Variants in RANBP2 observed in about 807,000 individuals in gnomAD.
RANBP2 encodes RAN binding protein 2, also known as E3 SUMO-protein ligase RanBP2.
In RANBP2, 57 loss-of-function variants were observed where a neutral mutation model predicts 303.6. That is an observed-to-expected ratio of 0.19 (90% CI 0.15 to 0.23). The LOEUF (loss-of-function observed/expected upper bound fraction) is 0.23, where lower values mean the gene tolerates loss of function less well. RANBP2 is among the 10% of genes least tolerant of loss of function. RANBP2 has a pLI of 1.00. For missense variants in RANBP2, 3,138 were observed against 3,780.8 expected, an observed-to-expected ratio of 0.83 and a Z score of 4.46; for synonymous variants, 1,167 against 1,301.5, an observed-to-expected ratio of 0.90 and a Z score of 2.23.
chr2:109,626,280 G>C, the RANBP2 span, among the ~76,000 whole-genome samples: 3 of 152,072 alleles, frequency 2.0e-5, no homozygotes, highest in East Asian at 5.8e-4. Context: ...TGGAGTTTGA[G>C]ACCAGCCTGA....
At chr2:109,136,726 T>G in the RANBP2 span, among the ~76,000 whole-genome samples, 1 of 152,356 alleles carries the variant, frequency 6.6e-6, no homozygotes, top group East Asian at 1.9e-4. Context: ...GCATTTCCAC[T>G]TAATGTAATG....
intron 6 of RANBP2, among the ~76,000 whole-genome samples, chr2:108,739,659 A>T (rs1488964683): frequency 6.6e-6 from 1 of 152,114 alleles, no homozygotes; most frequent in East Asian, 1.9e-4. Context: ...TGGAGAAACA[A>T]TAGGATTTAG....
chr2:108,907,842 C>A, the RANBP2 span: 1 of 1,613,256 alleles, frequency 6.2e-7, no homozygotes, highest in Admixed American at 1.7e-5. Context: ...CTCATCATGG[C>A]ACCTGCAGGA....
chr2:109,098,580 T>G, the RANBP2 span, among the ~76,000 whole-genome samples: 1 of 152,234 alleles, frequency 6.6e-6, no homozygotes, highest in Non-Finnish European at 1.5e-5. Context: ...GTTTCTGCTT[T>G]CTTCAACCCT....
chr2:109,454,115 TAAG>T, the RANBP2 span, among the ~76,000 whole-genome samples: 2 of 152,188 alleles, frequency 1.3e-5, no homozygotes, highest in Admixed American at 6.5e-5. Flanking sequence ...CATGGTGAGA[TAAG>T]AGAGAGAAGA....
chr2:109,222,426 G>A, the RANBP2 span, among the ~76,000 whole-genome samples: 88 of 152,298 alleles, frequency 5.8e-4, no homozygotes, highest in African/African-American at 2.0e-3. Flanking sequence ...CACATTGTAT[G>A]TATCAAAATA....
At chr2:109,317,186 A>ATCCTCTGTTTTCC in the RANBP2 span, among the ~76,000 whole-genome samples, 1 of 151,846 alleles carries the variant, frequency 6.6e-6, no homozygotes, top group Non-Finnish European at 1.5e-5. Context: ...GTAAGTTTTC[A>ATCCTCTGTTTTCC]TGGTGTTGGG....
chr2:109,306,715 C>T, the RANBP2 span, among the ~76,000 whole-genome samples: 1 of 152,236 alleles, frequency 6.6e-6, no homozygotes, highest in Non-Finnish European at 1.5e-5. Flanking sequence ...ACCTGGATGG[C>T]AGAATCACAT....
chr2:109,326,095 T>C, the RANBP2 span, among the ~76,000 whole-genome samples: 1 of 152,238 alleles, frequency 6.6e-6, no homozygotes, highest in East Asian at 1.9e-4. Flanking sequence ...TCCACCATGG[T>C]AAAACATTTA....
chr2:109,538,003 T>G, the RANBP2 span, among the ~76,000 whole-genome samples: 5 of 152,122 alleles, frequency 3.3e-5, no homozygotes, highest in Non-Finnish European at 7.4e-5. Flanking sequence ...AAATTTATCT[T>G]ATGGTTTTGG....
chr2:108,875,322 A>T, the RANBP2 span, among the ~76,000 whole-genome samples: 11 of 21,118 alleles, frequency 5.2e-4, no homozygotes, highest in East Asian at 2.3e-3. Context: ...AGTATAATAA[A>T]AAAAAAAAAA....
At chr2:109,159,158 C>T in the RANBP2 span, among the ~76,000 whole-genome samples, 1 of 152,334 alleles carries the variant, frequency 6.6e-6, no homozygotes, top group African/African-American at 2.4e-5. Flanking sequence ...AGTGTTCACC[C>T]ATGAGAAGGG....
the RANBP2 span, among the ~76,000 whole-genome samples, chr2:109,689,030 C>T: frequency 6.6e-6 from 1 of 151,626 alleles, no homozygotes; most frequent in Admixed American, 6.6e-5. Context: ...CCTCAGCCTC[C>T]CGAGTAGGTG....
At chr2:109,284,623 A>C in the RANBP2 span, among the ~76,000 whole-genome samples, 4 of 152,358 alleles carry the variant, frequency 2.6e-5, no homozygotes, top group African/African-American at 9.6e-5. Flanking sequence ...CTAGAAGTGC[A>C]TGGGAGACCA....
chr2:108,743,146 G>A (rs927600868), intron 7 of RANBP2, among the ~76,000 whole-genome samples: 6 of 152,188 alleles, frequency 3.9e-5, no homozygotes, highest in African/African-American at 1.2e-4. Context: ...GTCTATTAGA[G>A]TCTTGCTGTG....
chr2:108,762,028 CTCTTGCCTAGATAG>C (rs1676767016), intron 18 of RANBP2, 59 bp from the exon 19 acceptor site: 1 of 1,576,734 alleles, frequency 6.3e-7, no homozygotes, highest in South Asian at 1.2e-5. Flanking sequence ...GTATTTATAG[CTCTTGCCTAGATAG>C]TCTTAACTGT....
the RANBP2 span, among the ~76,000 whole-genome samples, chr2:108,918,347 C>T: frequency 4.6e-5 from 7 of 152,194 alleles, no homozygotes; most frequent in Non-Finnish European, 1.0e-4. Flanking sequence ...GGTTTCACCC[C>T]GGTCCACTGT....
intron 25 of RANBP2, among the ~76,000 whole-genome samples, chr2:108,780,483 G>A (rs1678173979): frequency 6.7e-6 from 1 of 149,008 alleles, no homozygotes; most frequent in African/African-American, 2.5e-5. Context: ...TCCTGCCCCA[G>A]CCTCCTGAGT....
chr2:108,910,358 C>T, the RANBP2 span: 1 of 952,004 alleles, frequency 1.1e-6, no homozygotes, highest in East Asian at 2.4e-5. Flanking sequence ...CCATAGTGTC[C>T]CAGGCTAGCC....
Sources: gnomAD v4.1 joint callset for allele counts (sites outside exome capture counted in the v4.1 genomes callset) on GRCh38, gnomAD v4.1.1 for gene constraint, MANE v1.5 for transcripts, NCBI Gene and HGNC (gene_info 2026-07-23, HGNC 2026-07-21) for gene names.